The following DMXL2 variants were observed in gnomAD, a reference collection of about 807,000 sequenced individuals.
DMXL2 encodes dmX-like protein 2.
In DMXL2, 103 loss-of-function variants were observed where a neutral mutation model predicts 331.1. The ratio of observed to expected loss-of-function variants is 0.31; its 90% CI spans 0.27 to 0.37. The LOEUF is 0.37. DMXL2 is among the 10% of genes least tolerant of loss of function. The probability of loss-of-function intolerance (pLI) is 1.00; values close to 1 mark genes in which losing one functional copy is unlikely to be tolerated. For missense variants in DMXL2, 3,171 were observed against 3,642.9 expected (o/e 0.87, Z 3.33); for synonymous variants, 1,281 against 1,252.1 (o/e 1.02, Z -0.49).
chr15:51,499,463 CAA>C lies in DMXL2; in HGVS notation c.3759_3760del (p.Trp1254GlyfsTer13), dbSNP rs1325372369. 2 of 1,613,784 alleles carry C rather than the reference CAA, an allele frequency of 1.2e-6. No homozygotes were observed. ...TACCACCAATATCCCATCTCTTACC[CAA>C]GAGAGAGAAACAGGCAGTGAAGGAG... is the stretch of plus-strand genomic sequence containing the variant. On this transcript the variant is annotated frameshift_variant, in exon 18 of 44. Transcript: ENST00000560891. LOFTEE classifies it high-confidence loss of function.
chr15:51,538,159 C>A lies in DMXL2; in HGVS notation c.1345+54G>T. 3 of 1,549,964 alleles carry A rather than the reference C, an allele frequency of 1.9e-6. 1 individual carries two copies. The South Asian group carries it at 3.7e-5, about 19-fold the overall frequency. On this transcript the variant is annotated intron_variant, in intron 10 of 43. Transcript: ENST00000560891. ...GAAGAATTCAAAACTAAAAGTGGTACCACAGAAAGCTGTTAACTTTGGAGT... is the reference window on the plus strand; with the variant it reads ...GAAGAATTCAAAACTAAAAGTGGTAACACAGAAAGCTGTTAACTTTGGAGT...
intron 1 of DMXL2, among the ~76,000 whole-genome samples, chr15:51,576,535 AC>A (rs2051061198): frequency 6.6e-6 from 1 of 151,922 alleles, no homozygotes; most frequent in Non-Finnish European, 1.5e-5. Flanking sequence ...ATCTAAAAAT[AC>A]TAAGCCACTG....
Position 51,538,373 on chromosome 15 carries a change from G to A in DMXL2, c.1185C>T (p.Asn395=), listed in dbSNP as rs1455893015. The part of the protein sequence containing the change: ...NGGFVVHWLN[N]KEFHFTSSTE... The stretch of plus-strand genomic sequence containing the variant: ...TAGATGATGTAAAATGAAATTCCTT[G>A]TTGTTTAACCAATGAACTACAAAGC... Residue 395 remains asparagine (N), a synonymous_variant, in exon 10 of 44, where the codon AAC becomes AAT. Coordinates refer to ENST00000560891, the MANE Select transcript of DMXL2 (RefSeq NM_001378457.1). 1 of 1,613,334 alleles carries A rather than the reference G, an allele frequency of 6.2e-7. No individual in the cohort carries two copies. Among genetic ancestry groups the A allele is most frequent in the African/African-American group, 1.3e-5 (1 of 74,870 alleles).
chr15:51,555,625 G>A (rs2049513800), intron 6 of DMXL2, among the ~76,000 whole-genome samples: 1 of 152,080 alleles, frequency 6.6e-6, no homozygotes, highest in Non-Finnish European at 1.5e-5. Context: ...TTGGTGAGAT[G>A]AATGAAGAAA....
intron 39 of DMXL2, 37 bp downstream of exon 39, chr15:51,456,029 T>G: frequency 1.2e-6 from 2 of 1,608,384 alleles, no homozygotes; most frequent in East Asian, 2.2e-5. Context: ...CCACAACTAT[T>G]TTCAGATGAA....
At chr15:51,528,697 A>T (rs1375544691) in intron 13 of DMXL2, among the ~76,000 whole-genome samples, 2 of 152,162 alleles carry the variant, frequency 1.3e-5, no homozygotes, top group African/African-American at 2.4e-5. Flanking sequence ...ATCACTCAGA[A>T]TTGGACATAT....
At chr15:51,621,192 C>T (rs1408305393) in intron 1 of DMXL2, among the ~76,000 whole-genome samples, 3 of 152,154 alleles carry the variant, frequency 2.0e-5, no homozygotes, top group Non-Finnish European at 4.4e-5. Flanking sequence ...CAAAAGGGGT[C>T]GTTCTAAACT....
intron 40 of DMXL2, among the ~76,000 whole-genome samples, chr15:51,454,716 C>T (rs1008091646): frequency 3.9e-5 from 6 of 152,036 alleles, no homozygotes; most frequent in African/African-American, 1.5e-4. Flanking sequence ...AGGCTGGTCT[C>T]GAACTCCTGA....
At chr15:51,470,544 A>T (rs568668992) in intron 29 of DMXL2, among the ~76,000 whole-genome samples, 31 of 152,274 alleles carry the variant, frequency 2.0e-4, no homozygotes, top group African/African-American at 6.0e-4. Flanking sequence ...TAACTCTGAG[A>T]TCTAATAAAA....
At chr15:51,511,370 G>C (rs1234795093) in intron 15 of DMXL2, among the ~76,000 whole-genome samples, 1 of 152,182 alleles carries the variant, frequency 6.6e-6, no homozygotes, top group Non-Finnish European at 1.5e-5. Flanking sequence ...CCATCAAAAA[G>C]TGGGCAAAGG....
chr15:51,486,050 A>G, intron 23 of DMXL2, 23 bp downstream of exon 23: 1 of 1,536,570 alleles, frequency 6.5e-7, no homozygotes, highest in Non-Finnish European at 8.8e-7. Flanking sequence ...AAAGAAAAAA[A>G]AGAAATCCAC....
At chr15:51,588,926 T>C (rs570658957) in intron 1 of DMXL2, among the ~76,000 whole-genome samples, 5 of 152,212 alleles carry the variant, frequency 3.3e-5, no homozygotes, top group South Asian at 4.1e-4. Flanking sequence ...TACACAAATT[T>C]GCTTCAAAAA....
chr15:51,539,589 G>A (rs547165235), intron 9 of DMXL2, among the ~76,000 whole-genome samples: 12 of 151,994 alleles, frequency 7.9e-5, no homozygotes, highest in Admixed American at 1.3e-4. Context: ...CGGGAGGATC[G>A]CTTGAACTTA....
intron 9 of DMXL2, among the ~76,000 whole-genome samples, chr15:51,542,052 G>A (rs185004214): frequency 6.6e-6 from 1 of 152,306 alleles, no homozygotes; most frequent in East Asian, 1.9e-4. Flanking sequence ...CACCACTTGT[G>A]ATACCAGGTT....
At chr15:51,529,097 T>C (rs568403817) in intron 13 of DMXL2, among the ~76,000 whole-genome samples, 1 of 152,242 alleles carries the variant, frequency 6.6e-6, no homozygotes, top group African/African-American at 2.4e-5. Context: ...ATCTATGGGA[T>C]ACTGCAAAAG....
intron 33 of DMXL2, 92 bp from the exon 34 acceptor site, chr15:51,459,752 C>T (rs1945888175): frequency 7.9e-7 from 1 of 1,262,990 alleles, no homozygotes; most frequent in African/African-American, 1.5e-5. Context: ...ATGGCCACTC[C>T]ACCACTTAAA....
Position 51,576,183 on chromosome 15 carries a change from T to TAAAAACAAAAAAAAAAAAAA in DMXL2, c.88-3_88-2insTTTTTTTTTTTTTTGTTTTT, listed in dbSNP as rs2051018676. The TAAAAACAAAAAAAAAAAAAA allele has an allele frequency of 1.8e-6, 1 of 540,658 alleles. No homozygotes were observed. Among genetic ancestry groups the TAAAAACAAAAAAAAAAAAAA allele is most frequent in the Non-Finnish European group, 2.4e-6 (1 of 424,206 alleles). The allele number at this position is 540,658 out of a possible 1,614,324, so 33.5% of individuals were successfully genotyped here. On this transcript the variant is annotated splice_polypyrimidine_tract_variant and splice_region_variant and intron_variant, in intron 1 of 43. Transcript: ENST00000560891. Reference sequence around the variant, plus strand: ...AATATCACAGCCTGATCCATATGCCTAAAAAAAAAAAAAAAAAAAAGTTTT... The same window carrying TAAAAACAAAAAAAAAAAAAA: ...AATATCACAGCCTGATCCATATGCCTAAAAACAAAAAAAAAAAAAAAAAAAAAAAAAAAAAAAAAAGTTTT...
At chr15:51,477,821 C>T (rs1212338360) in intron 26 of DMXL2, among the ~76,000 whole-genome samples, 1 of 151,956 alleles carries the variant, frequency 6.6e-6, no homozygotes, top group African/African-American at 2.4e-5. Flanking sequence ...ACTTTTACAT[C>T]ATATGTAAAT....
chr15:51,499,376 G>C lies in DMXL2; in HGVS notation c.3848C>G (p.Thr1283Ser). 3 of 1,613,874 alleles carry C rather than the reference G, an allele frequency of 1.9e-6. No homozygotes were observed. Among genetic ancestry groups the C allele is most frequent in the Middle Eastern group, 3.3e-4 (2 of 6,062 alleles). ...TTCTGCATTAGAACTATCAGCTTCA[G>C]TGTCTCCAAATTTGACAGCATGCTT... Reference protein sequence around the residue: ...QWKHAVKFGDTEADSSNAEEA... With the variant: ...QWKHAVKFGDSEADSSNAEEA... Residue 1283 changes from threonine (T) to serine (S), a missense_variant, in exon 18 of 44, where the codon ACT becomes AGT. Around this residue, in one of 7 missense-constraint regions of DMXL2, gnomAD observed 1,674 missense variants for 1,780.2 expected, o/e 0.94. Coordinates refer to ENST00000560891, the MANE Select transcript of DMXL2 (RefSeq NM_001378457.1).
Sources: allele counts gnomAD v4.1 joint callset (sites outside exome capture counted in the v4.1 genomes callset), GRCh38; gene constraint gnomAD v4.1.1; regional missense constraint gnomAD v4.1.1; transcripts MANE v1.5; gene names NCBI Gene and HGNC (gene_info 2026-07-23, HGNC 2026-07-21).